The following SPTB variants were observed in gnomAD, a reference collection of about 807,000 sequenced individuals.
The protein encoded by SPTB is spectrin beta chain, erythrocytic.
Under a neutral mutation model 256.2 loss-of-function variants are expected in SPTB, and 45 were observed. The ratio of observed to expected loss-of-function variants is 0.18; its 90% CI spans 0.14 to 0.23. SPTB has a LOEUF of 0.23. Ranked by LOEUF, SPTB falls within the 10% of genes least tolerant of loss-of-function variation. The pLI, the probability that SPTB is intolerant of heterozygous loss-of-function variation, is 1.00. For missense variants in SPTB, 2,715 were observed against 3,040.4 expected (o/e 0.89, Z 2.52); for synonymous variants, 1,231 against 1,243.1 (o/e 0.99, Z 0.21).
Position 64,764,503 on chromosome 14 carries a change from G to C in SPTB, c.6345+2223C>G, listed in dbSNP as rs1190212429. Among the ~76,000 whole-genome samples, 1 of 152,242 alleles carries C rather than the reference G, an allele frequency of 6.6e-6. No individual in the cohort carries two copies. The highest frequency in any genetic ancestry group is 1.5e-5 in the Non-Finnish European group (1 of 68,048). On this transcript the variant is annotated intron_variant, in intron 32 of 35. Coordinates refer to ENST00000644917, the MANE Select transcript of SPTB (RefSeq NM_001355436.2). This position sits in a 1 kb window ranked among gnomAD's most constrained non-coding sequence, Gnocchi z 4.2. ...TGGAGTGGCTGGCTCTCCGGAAAGG[G>C]TCTCAAATGTGGGCTCACTTCTTCC...
intron 2 of SPTB, among the ~76,000 whole-genome samples, chr14:64,821,094 A>C (rs1335149132): frequency 2.0e-5 from 3 of 152,124 alleles, no homozygotes; most frequent in African/African-American, 7.2e-5. Context: ...CCAGAATCAC[A>C]CACACCCTTC....
At chr14:64,867,651 C>T (rs529903534) in intron 1 of SPTB, among the ~76,000 whole-genome samples, 4 of 152,132 alleles carry the variant, frequency 2.6e-5, no homozygotes, top group East Asian at 3.9e-4. Flanking sequence ...GTCAGGAGTT[C>T]GAGACCAGCC....
rs927746322 is a variant in SPTB at position 64,852,146 on chromosome 14, C to T, written c.-52+27646G>A. ...GGGTTTCATGGGAGCAGAGTAGACA[C>T]ACAGAAGGCCTTCTGCAAGGGTGGA... On this transcript the variant is annotated intron_variant, in intron 1 of 35. Coordinates refer to ENST00000644917, the MANE Select transcript of SPTB (RefSeq NM_001355436.2). The surrounding 1 kb of genome is among the most constrained non-coding windows in gnomAD (Gnocchi z 4.2). 6.6e-6 allele frequency among the ~76,000 whole-genome samples: 1 copy of T among 152,156 alleles called. No individual in the cohort carries two copies. The highest frequency in any genetic ancestry group is 1.5e-5 in the Non-Finnish European group (1 of 68,028).
chr14:64,768,453 G>A (rs575381649), intron 29 of SPTB, among the ~76,000 whole-genome samples: 143 of 151,674 alleles, frequency 9.4e-4, no homozygotes, highest in African/African-American at 3.3e-3. Context: ...ATTCTTCCCA[G>A]CCCTTGGCTG....
At chr14:64,797,962 C>T in intron 9 of SPTB, 116 bp from the exon 10 acceptor site, 2 of 791,148 alleles carry the variant, frequency 2.5e-6, no homozygotes, top group Non-Finnish European at 4.6e-6. Context: ...GCATATTTCC[C>T]TTAAAAACAC....
intron 32 of SPTB, chr14:64,763,749 A>G (rs1416614891): frequency 1.9e-6 from 1 of 518,980 alleles, no homozygotes; most frequent in South Asian, 1.4e-5. Flanking sequence ...CTGGCCTCCC[A>G]TGCACTTACC....
intron 2 of SPTB, among the ~76,000 whole-genome samples, chr14:64,808,644 G>A (rs2083030296): frequency 6.6e-6 from 1 of 152,090 alleles, no homozygotes; most frequent in East Asian, 1.9e-4. Context: ...TGTCCTAGGT[G>A]CTGCAGGGGC....
In SPTB at chr14:64,774,382, A is replaced by AG; in HGVS notation, c.4973+14dup. The AG allele has an allele frequency of 6.3e-7, 1 of 1,584,164 alleles. No homozygotes were observed. The highest frequency in any genetic ancestry group is 1.1e-5 in the South Asian group (1 of 87,068). On this transcript the variant is annotated intron_variant, in intron 24 of 35. Transcript: ENST00000644917. ...CCCCATCTCCTGACCGAGTCACCACAGGGGGCGCACGCACCCCTCAGGGTG... is the reference window on the plus strand; with the variant it reads ...CCCCATCTCCTGACCGAGTCACCACAGGGGGGCGCACGCACCCCTCAGGGTG...
At chr14:64,878,876 T>C (rs1485911261) in intron 1 of SPTB, among the ~76,000 whole-genome samples, 2 of 151,886 alleles carry the variant, frequency 1.3e-5, no homozygotes, top group Non-Finnish European at 2.9e-5. Context: ...CTCTAATTGC[T>C]CACTGAAAAC....
chr14:64,838,553 T>C (rs1349413462), intron 1 of SPTB, among the ~76,000 whole-genome samples: 1 of 151,876 alleles, frequency 6.6e-6, no homozygotes, highest in Non-Finnish European at 1.5e-5. Context: ...ATAAGAAAAA[T>C]CTCAATTTAA....
At chr14:64,868,820 G>A (rs143078021) in intron 1 of SPTB, among the ~76,000 whole-genome samples, 1 of 152,088 alleles carries the variant, frequency 6.6e-6, no homozygotes, top group African/African-American at 2.4e-5. Context: ...TATGAGAGTG[G>A]GTATATTGTG....
chr14:64,863,088 T>C (rs1165788511), intron 1 of SPTB, among the ~76,000 whole-genome samples: 2 of 152,152 alleles, frequency 1.3e-5, no homozygotes, highest in African/African-American at 4.8e-5. Flanking sequence ...GAGTCCTTTG[T>C]TATATTTCTG....
chr14:64,821,114 C>A (rs529423070), intron 2 of SPTB, among the ~76,000 whole-genome samples: 8 of 152,336 alleles, frequency 5.3e-5, no homozygotes, highest in African/African-American at 1.9e-4. Flanking sequence ...CAATTCCCAG[C>A]TCAAAGGCTG....
rs950770232 is a variant in SPTB at position 64,763,752 on chromosome 14, C to T, written c.6345+2974G>A. ...TGTTTCTTCTGCCTGGCCTCCCATG[C>T]ACTTACCTGTATGAACGGATTGGCC... is the stretch of plus-strand genomic sequence containing the variant. On this transcript the variant is annotated intron_variant, in intron 32 of 35. Coordinates refer to ENST00000644917, the MANE Select transcript of SPTB (RefSeq NM_001355436.2). The T allele has an allele frequency of 1.2e-5, 6 of 518,904 alleles. No homozygotes were observed. The Middle Eastern group carries it at 1.3e-3, about 109-fold the overall frequency. 32.1% of individuals were successfully genotyped at this position (518,904 alleles called of 1,614,324 possible). A position where few individuals can be genotyped will look rare whatever the true frequency, so the allele number is the denominator to read the frequency against.
At position 64,778,878 on chromosome 14, in the gene SPTB, G is replaced by A. The variant is rs2082411769; in HGVS notation, c.4563+279C>T. 6.6e-6 allele frequency among the ~76,000 whole-genome samples: 1 copy of A among 151,974 alleles called. No individual in the cohort carries two copies. Among genetic ancestry groups the A allele is most frequent in the Non-Finnish European group, 1.5e-5 (1 of 67,982 alleles). ...ACATCAACCTCCAGGCCAGGCCCCC[G>A]AGATCCTGCATTCACCTGTGCCTGA... On this transcript the variant is annotated intron_variant, in intron 22 of 35. Transcript: ENST00000644917. The surrounding 1 kb of genome is among the most constrained non-coding windows in gnomAD (Gnocchi z 5.2).
chr14:64,843,363 C>T (rs926912175), intron 1 of SPTB, among the ~76,000 whole-genome samples: 1 of 152,122 alleles, frequency 6.6e-6, no homozygotes, highest in Non-Finnish European at 1.5e-5. Flanking sequence ...GCAGTTACTA[C>T]TCAAGGTCTG....
Position 64,802,094 on chromosome 14 carries a change from A to G in SPTB, c.566+132T>C. On this transcript the variant is annotated intron_variant, in intron 5 of 35. Transcript: ENST00000644917. This position sits in a 1 kb window ranked among gnomAD's most constrained non-coding sequence, Gnocchi z 5.1. ...GCCTCAAAGAATCAGGTCAGGACAGACTTTGCATCAATTACAGGGAGGCAG... is the reference window on the plus strand; with the variant it reads ...GCCTCAAAGAATCAGGTCAGGACAGGCTTTGCATCAATTACAGGGAGGCAG... 1 of 966,800 alleles carries G rather than the reference A, an allele frequency of 1.0e-6. No homozygotes were observed. Among genetic ancestry groups the G allele is most frequent in the Non-Finnish European group, 1.6e-6 (1 of 612,690 alleles). The allele number at this position is 966,800 out of a possible 1,614,324, so 59.9% of individuals were successfully genotyped here. A position where few individuals can be genotyped will look rare whatever the true frequency, so the allele number is the denominator to read the frequency against.
intron 1 of SPTB, among the ~76,000 whole-genome samples, chr14:64,858,397 T>A (rs890968532): frequency 2.2e-4 from 33 of 152,126 alleles, no homozygotes; most frequent in African/African-American, 7.5e-4. Flanking sequence ...AGGCAGCAGA[T>A]ACTAAGAAAG....
chr14:64,801,902 T>G, intron 5 of SPTB, 68 bp from the exon 6 acceptor site: 1 of 1,438,688 alleles, frequency 7.0e-7, no homozygotes, highest in Non-Finnish European at 9.8e-7. Context: ...GTGTACAAAT[T>G]GAGGGCCAAT....
Sources: gnomAD v4.1 joint callset for allele counts (sites outside exome capture counted in the v4.1 genomes callset) on GRCh38, gnomAD v4.1.1 for gene constraint, Gnocchi (gnomAD v3.1) non-coding constraint, MANE v1.5 for transcripts, NCBI Gene and HGNC (gene_info 2026-07-23, HGNC 2026-07-21) for gene names.